The following RABGEF1 variants were observed in gnomAD, a reference collection of about 807,000 sequenced individuals.
The protein encoded by RABGEF1 is RAB guanine nucleotide exchange factor 1, also known as rab5 GDP/GTP exchange factor.
Under a neutral mutation model 57.3 loss-of-function variants are expected in RABGEF1, and 26 were observed. The observed-to-expected ratio is 0.45, with a 90% CI of 0.33 to 0.63. The LOEUF is 0.63. Ranked by LOEUF, RABGEF1 falls within the 20% of genes least tolerant of loss-of-function variation. The probability of loss-of-function intolerance (pLI) is 0.02; values close to 1 mark genes in which losing one functional copy is unlikely to be tolerated. For synonymous variants in RABGEF1, 185 were observed against 210.7 expected (o/e 0.88, Z 1.06); for missense variants, 464 against 607.6 (o/e 0.76, Z 2.48).
intron 1 of RABGEF1, among the ~76,000 whole-genome samples, chr7:66,763,599 A>G (rs1046119844): frequency 6.6e-6 from 1 of 152,212 alleles, no homozygotes; most frequent in African/African-American, 2.4e-5. Context: ...TACCACAGCC[A>G]ACTTTAGAAC....
At chr7:66,805,074 A>AT (rs1788145351) in intron 7 of RABGEF1, 66 bp from the exon 8 acceptor site, 1 of 1,496,504 alleles carries the variant, frequency 6.7e-7, no homozygotes, top group Non-Finnish European at 9.2e-7. Context: ...ATAAAACATG[A>AT]TTTTCCTATT....
chr7:66,717,054 C>T (rs1487730097), intron 2 of RABGEF1, among the ~76,000 whole-genome samples: 1 of 152,248 alleles, frequency 6.6e-6, no homozygotes, highest in Non-Finnish European at 1.5e-5. Flanking sequence ...GCTGGGATTA[C>T]AGGCGTGAGC....
chr7:66,767,866 G>A (rs1013390473), intron 1 of RABGEF1, among the ~76,000 whole-genome samples: 7 of 152,154 alleles, frequency 4.6e-5, no homozygotes, highest in African/African-American at 1.7e-4. Flanking sequence ...TTTTGTTACT[G>A]CAGCCAGAAG....
intron 3 of RABGEF1, among the ~76,000 whole-genome samples, chr7:66,779,215 A>G (rs1229744408): frequency 1.3e-5 from 2 of 152,134 alleles, no homozygotes; most frequent in African/African-American, 4.8e-5. Flanking sequence ...AGTAAAATAG[A>G]GAAATACGGC....
intron 1 of RABGEF1, among the ~76,000 whole-genome samples, chr7:66,750,365 A>G (rs1801139024): frequency 6.6e-6 from 1 of 152,228 alleles, no homozygotes. Context: ...TTTATGACAG[A>G]GACAGTACTG....
intron 2 of RABGEF1, among the ~76,000 whole-genome samples, chr7:66,774,200 A>G (rs1242530733): frequency 6.6e-6 from 1 of 152,166 alleles, no homozygotes; most frequent in East Asian, 1.9e-4. Flanking sequence ...CCAACTCAGA[A>G]AAGTCTTTTG....
At chr7:66,794,802 G>A (rs774188260) in intron 4 of RABGEF1, among the ~76,000 whole-genome samples, 114 of 152,298 alleles carry the variant, frequency 7.5e-4, no homozygotes, top group Non-Finnish European at 1.3e-3. Context: ...AACAGTGAAA[G>A]AGGGGGAGCA....
At chr7:66,808,251 T>C (rs1788866509) in intron 8 of RABGEF1, among the ~76,000 whole-genome samples, 1 of 151,732 alleles carries the variant, frequency 6.6e-6, no homozygotes, top group African/African-American at 2.4e-5. Context: ...AGTCTTGCTC[T>C]GTCACCCAGG....
upstream of RABGEF1, among the ~76,000 whole-genome samples, chr7:66,681,281 A>G (rs1307202238): frequency 6.6e-6 from 1 of 152,164 alleles, no homozygotes; most frequent in African/African-American, 2.4e-5. Context: ...ACTGTTTTTA[A>G]TATTCCTTAC....
chr7:66,676,789 G>T, the RABGEF1 span, among the ~76,000 whole-genome samples: 17 of 152,168 alleles, frequency 1.1e-4, no homozygotes. Context: ...TCACTATGTT[G>T]CCCAGGCTGG....
intron 1 of RABGEF1, chr7:66,756,031 T>C (rs1257031995): frequency 6.7e-7 from 1 of 1,485,822 alleles, no homozygotes; most frequent in South Asian, 1.4e-5. Flanking sequence ...AGATTGCAAA[T>C]GCTAATAAGT....
chr7:66,730,341 A>G (rs1275680393), intron 2 of RABGEF1, among the ~76,000 whole-genome samples: 1 of 152,168 alleles, frequency 6.6e-6, no homozygotes, highest in Non-Finnish European at 1.5e-5. Flanking sequence ...ACAGGGGATA[A>G]ACAATAGGCT....
chr7:66,701,542 C>T (rs1173114793), intron 1 of RABGEF1, among the ~76,000 whole-genome samples: 1 of 149,644 alleles, frequency 6.7e-6, no homozygotes, highest in East Asian at 2.0e-4. Context: ...GAGTTTCGCC[C>T]TTCTTGCCCA....
intron 2 of RABGEF1, among the ~76,000 whole-genome samples, chr7:66,721,412 C>G (rs549566682): frequency 6.6e-6 from 1 of 152,258 alleles, no homozygotes; most frequent in African/African-American, 2.4e-5. Context: ...GTCACAGATT[C>G]GCCTTCTGGA....
At chr7:66,659,822 C>T in the RABGEF1 span, among the ~76,000 whole-genome samples, 2 of 151,534 alleles carry the variant, frequency 1.3e-5, no homozygotes, top group Middle Eastern at 6.8e-3. Context: ...AGAAAGATCT[C>T]AAATCAGTCA....
chr7:66,808,843 A>G (rs1789057147), intron 8 of RABGEF1, 43 bp from the exon 9 acceptor site: 1 of 1,476,304 alleles, frequency 6.8e-7, no homozygotes, highest in Admixed American at 2.1e-5. Flanking sequence ...TCGAGTATGC[A>G]TAGCTTTCCT....
At chr7:66,765,391 G>A (rs1562811846) in intron 1 of RABGEF1, among the ~76,000 whole-genome samples, 2 of 152,004 alleles carry the variant, frequency 1.3e-5, no homozygotes, top group African/African-American at 4.8e-5. Context: ...AATCCACAGA[G>A]CACTCCTTTA....
chr7:66,769,302 C>T (rs1379199782), intron 1 of RABGEF1, among the ~76,000 whole-genome samples: 1 of 152,248 alleles, frequency 6.6e-6, no homozygotes, highest in Non-Finnish European at 1.5e-5. Flanking sequence ...TGAGGCCTCT[C>T]TCCCCAGCAA....
chr7:66,655,685 G>A, the RABGEF1 span, among the ~76,000 whole-genome samples: 1 of 152,172 alleles, frequency 6.6e-6, no homozygotes, highest in Admixed American at 6.6e-5. Flanking sequence ...CTGTTAAAGA[G>A]TCCGTTCCTT....
Sources: allele counts gnomAD v4.1 joint callset (sites outside exome capture counted in the v4.1 genomes callset), GRCh38; gene constraint gnomAD v4.1.1; transcripts MANE v1.5; gene names NCBI Gene and HGNC (gene_info 2026-07-23, HGNC 2026-07-21).